ZFHX3: variants seen among roughly 807,000 people sequenced by gnomAD.
ZFHX3 encodes zinc finger homeobox protein 3.
ZFHX3 carries 42 observed loss-of-function variants against 279.1 expected under a neutral mutation model. The observed-to-expected ratio is 0.15, with a 90% CI of 0.12 to 0.19. The LOEUF (loss-of-function observed/expected upper bound fraction) is 0.19. ZFHX3 is among the 10% of genes least tolerant of loss of function. The pLI is 1.00. For synonymous variants in ZFHX3, 2,293 were observed against 1,957.8 expected (o/e 1.17, Z -4.52); for missense variants, 4,981 against 4,754.0 (o/e 1.05, Z -1.40).
Position 73,286,175 on chromosome 16 carries a change from T to A in ZFHX3, c.-1193-29039A>T, listed in dbSNP as rs867640877. Among the ~76,000 whole-genome samples the A allele has an allele frequency of 1.3e-4, 19 of 151,970 alleles. 1 individual carries two copies. The highest frequency in any genetic ancestry group is 1.6e-4 in the Non-Finnish European group (11 of 67,966). ...CCCTCTCTCTCTCTGTCTCTCTCTC[T>A]CACACACACATGCCCCTCTCCCCCT... is the stretch of plus-strand genomic sequence containing the variant. On this transcript the variant is annotated intron_variant, in intron 4 of 17. Coordinates refer to the ZFHX3 transcript ENST00000641206.
At chr16:73,013,334 T>G (rs555946803) in intron 1 of ZFHX3, among the ~76,000 whole-genome samples, 1 of 152,116 alleles carries the variant, frequency 6.6e-6, no homozygotes, top group South Asian at 2.1e-4. Flanking sequence ...GTCGCCCAGG[T>G]TGGAGTGCAG....
At chr16:72,870,424 A>C (rs900164384) in intron 4 of ZFHX3, among the ~76,000 whole-genome samples, 1 of 151,306 alleles carries the variant, frequency 6.6e-6, no homozygotes, top group Non-Finnish European at 1.5e-5. Flanking sequence ...AAAGAAAAAA[A>C]AACGGCTGGG....
At chr16:73,177,512 G>T (rs978583890) in intron 5 of ZFHX3, among the ~76,000 whole-genome samples, 9 of 152,218 alleles carry the variant, frequency 5.9e-5, no homozygotes, top group Non-Finnish European at 1.3e-4. Context: ...TGAGCCGCAA[G>T]AACATAGGTA....
At chr16:73,022,360 G>C (rs1231903324) in intron 1 of ZFHX3, among the ~76,000 whole-genome samples, 5 of 152,140 alleles carry the variant, frequency 3.3e-5, no homozygotes, top group Non-Finnish European at 5.9e-5. Flanking sequence ...ATGGTGAAAG[G>C]CAGGAGGGAG....
chr16:73,653,626 A>T (rs1433035195), intron 2 of ZFHX3, among the ~76,000 whole-genome samples: 1 of 152,198 alleles, frequency 6.6e-6, no homozygotes, highest in African/African-American at 2.4e-5. Context: ...AAAGTTATGA[A>T]GGGCAATGAC....
At chr16:73,046,040 C>G (rs77559045) in intron 1 of ZFHX3, among the ~76,000 whole-genome samples, 2,364 of 152,260 alleles carry the variant, frequency 0.016, 60 homozygotes, top group African/African-American at 0.052. Flanking sequence ...GCTGGAAACA[C>G]CATGAGGAGA....
chr16:73,311,875 G>A (rs997351948), intron 4 of ZFHX3, among the ~76,000 whole-genome samples: 1 of 152,144 alleles, frequency 6.6e-6, no homozygotes, highest in South Asian at 2.1e-4. Flanking sequence ...TTTTGCTTAT[G>A]ACCCATTTAT....
chr16:73,589,532 C>T (rs2051969252), intron 2 of ZFHX3, among the ~76,000 whole-genome samples: 4 of 150,114 alleles, frequency 2.7e-5, no homozygotes, highest in Admixed American at 2.7e-4. Context: ...GAGATCGAGA[C>T]CATCCTGGCT....
Position 73,066,743 on chromosome 16 carries a change from C to G in ZFHX3, c.-532-7731G>C, listed in dbSNP as rs150954466. On this transcript the variant is annotated intron_variant, in intron 8 of 17. Transcript: ENST00000641206. ...GCGCACCTCGCGCCCAGGGCCCACG[C>G]CGCCCAGGCCCCGTGCCTGCCTCCC... 2.2e-3 allele frequency among the ~76,000 whole-genome samples: 330 copies of G among 152,346 alleles called. 3 individuals carry two copies. The highest frequency in any genetic ancestry group is 7.6e-3 in the African/African-American group (318 of 41,596).
chr16:73,401,988 AT>A (rs2143433976), intron 3 of ZFHX3: 1 of 152,340 alleles, frequency 6.6e-6, no homozygotes, highest in African/African-American at 2.4e-5. Context: ...TGATTCCAGC[AT>A]TTTAAAAGAG....
At position 73,623,048 on chromosome 16, in the gene ZFHX3, T is replaced by C. The variant is rs989391502; in HGVS notation, c.-1547+57132A>G. On this transcript the variant is annotated intron_variant, in intron 2 of 17. Coordinates refer to the ZFHX3 transcript ENST00000641206. Reference sequence around the variant, plus strand: ...CAGAAGGGCACATTGTATTTTTTTTTTTTGTTTAGACAGAGTCTGGCTCTT... The same window carrying C: ...CAGAAGGGCACATTGTATTTTTTTTCTTTGTTTAGACAGAGTCTGGCTCTT... 5.3e-5 allele frequency among the ~76,000 whole-genome samples: 8 copies of C among 151,884 alleles called. No individual in the cohort carries two copies. The South Asian group carries it at 1.5e-3, about 28-fold the overall frequency.
intron 4 of ZFHX3, among the ~76,000 whole-genome samples, chr16:73,317,591 C>T (rs548503050): frequency 3.4e-4 from 51 of 152,080 alleles, no homozygotes; most frequent in Non-Finnish European, 6.3e-4. Flanking sequence ...AGCCGACCAG[C>T]GGTTGCTGTG....
intron 3 of ZFHX3, among the ~76,000 whole-genome samples, chr16:72,910,988 T>C (rs942214496): frequency 1.3e-5 from 2 of 152,234 alleles, no homozygotes; most frequent in Non-Finnish European, 2.9e-5. Flanking sequence ...GGCTGGCAAG[T>C]AGGAGTCACA....
At chr16:73,127,399 G>T (rs1966587805) in intron 7 of ZFHX3, 2 of 1,305,300 alleles carry the variant, frequency 1.5e-6, no homozygotes, top group South Asian at 2.5e-5. Flanking sequence ...TATTTTTGGG[G>T]CCAGAGCCTT....
At chr16:73,022,260 G>A (rs1039305837) in intron 1 of ZFHX3, among the ~76,000 whole-genome samples, 8 of 152,122 alleles carry the variant, frequency 5.3e-5, no homozygotes, top group African/African-American at 1.9e-4. Context: ...GGGCAGCCCA[G>A]GGAAGCCCCA....
At chr16:73,659,788 T>C (rs369711239) in intron 2 of ZFHX3, among the ~76,000 whole-genome samples, 2 of 152,318 alleles carry the variant, frequency 1.3e-5, no homozygotes, top group Admixed American at 6.5e-5. Context: ...TGCCTTCTTA[T>C]TGCATGCGGT....
intron 2 of ZFHX3, among the ~76,000 whole-genome samples, chr16:73,469,491 G>C (rs1006920701): frequency 6.6e-6 from 1 of 152,028 alleles, no homozygotes; most frequent in African/African-American, 2.4e-5. Flanking sequence ...AGTTCTGCAG[G>C]TTCTCAAAGA....
At chr16:73,768,799 T>A (rs2053983482) in intron 1 of ZFHX3, among the ~76,000 whole-genome samples, 1 of 152,146 alleles carries the variant, frequency 6.6e-6, no homozygotes, top group Admixed American at 6.6e-5. Context: ...CAACTATAAG[T>A]GATGAGTAGT....
chr16:73,308,009 T>C (rs1443241317), intron 4 of ZFHX3, among the ~76,000 whole-genome samples: 3 of 151,884 alleles, frequency 2.0e-5, no homozygotes, highest in South Asian at 2.1e-4. Context: ...CAACCTATGC[T>C]AAATGATGGC....
Sources: gnomAD v4.1 joint callset for allele counts (sites outside exome capture counted in the v4.1 genomes callset) on GRCh38, gnomAD v4.1.1 for gene constraint, MANE v1.5 for transcripts, NCBI Gene and HGNC (gene_info 2026-07-23, HGNC 2026-07-21) for gene names.